ST18: variants seen among roughly 807,000 people sequenced by gnomAD.
ST18 encodes ST18 C2H2C-type zinc finger transcription factor, also known as suppression of tumorigenicity 18 protein.
ST18 carries 50 observed loss-of-function variants against 110.0 expected under a neutral mutation model. The ratio of observed to expected loss-of-function variants is 0.45; its 90% CI spans 0.36 to 0.58. The LOEUF is 0.58. Ranked by LOEUF, ST18 falls within the 20% of genes least tolerant of loss-of-function variation. The pLI is 0.00. For missense variants in ST18, 1,306 were observed against 1,280.1 expected (o/e 1.02, Z -0.31); for synonymous variants, 461 against 452.4 (o/e 1.02, Z -0.24).
chr8:52,345,991 C>A (rs1468700682), intron 2 of ST18, among the ~76,000 whole-genome samples: 1 of 151,938 alleles, frequency 6.6e-6, no homozygotes, highest in Non-Finnish European at 1.5e-5. Flanking sequence ...AAAAAATAAT[C>A]TCTAGAAAGA....
chr8:52,267,228 G>C (rs982178843), intron 2 of ST18, among the ~76,000 whole-genome samples: 2 of 151,966 alleles, frequency 1.3e-5, no homozygotes, highest in African/African-American at 4.8e-5. Context: ...GGAATGAGAG[G>C]CCATACTTTA....
chr8:52,178,709 TA>T (rs1271653113), intron 9 of ST18, among the ~76,000 whole-genome samples: 3 of 74,364 alleles, frequency 4.0e-5, no homozygotes, highest in Non-Finnish European at 9.3e-5. Flanking sequence ...ACAAAACAAA[TA>T]AAGTTGATCA....
At chr8:52,309,941 G>A (rs1003122065) in intron 2 of ST18, among the ~76,000 whole-genome samples, 5 of 152,246 alleles carry the variant, frequency 3.3e-5, no homozygotes, top group South Asian at 2.1e-4. Flanking sequence ...CCTGCCCCAC[G>A]TTCTATGTTA....
At chr8:52,121,778 T>C (rs1230190168) in intron 23 of ST18, among the ~76,000 whole-genome samples, 1 of 152,208 alleles carries the variant, frequency 6.6e-6, no homozygotes, top group Non-Finnish European at 1.5e-5. Context: ...GACATACTTC[T>C]AGTAGAGTGT....
intron 8 of ST18, among the ~76,000 whole-genome samples, chr8:52,181,558 C>A (rs1485565217): frequency 6.6e-6 from 1 of 152,124 alleles, no homozygotes; most frequent in Non-Finnish European, 1.5e-5. Context: ...TTAAAAATCA[C>A]CCTGATAGGT....
At chr8:52,169,543 C>G (rs925090263) in intron 10 of ST18, among the ~76,000 whole-genome samples, 1 of 152,096 alleles carries the variant, frequency 6.6e-6, no homozygotes, top group Admixed American at 6.5e-5. Context: ...TGAGTTTTCT[C>G]CTTAACAGTG....
chr8:52,161,649 T>C, intron 13 of ST18, 81 bp from the exon 14 acceptor site: 4 of 1,470,854 alleles, frequency 2.7e-6, no homozygotes, highest in Non-Finnish European at 3.7e-6. Context: ...TTACAGTAGA[T>C]ACATGTGTCA....
intron 2 of ST18, among the ~76,000 whole-genome samples, chr8:52,279,744 T>G (rs77364483): frequency 0.033 from 5,060 of 152,192 alleles, 150 homozygotes; most frequent in Admixed American, 0.077. Flanking sequence ...TGAGAGAAAC[T>G]AAGAGAAAAA....
chr8:52,173,859 A>G (rs1439821421), intron 9 of ST18, among the ~76,000 whole-genome samples: 1 of 152,198 alleles, frequency 6.6e-6, no homozygotes, highest in East Asian at 1.9e-4. Flanking sequence ...GCACTGAGGG[A>G]GAGAGTGTCT....
intron 3 of ST18, among the ~76,000 whole-genome samples, chr8:52,227,979 A>C (rs887011836): frequency 2.0e-5 from 3 of 152,228 alleles, no homozygotes; most frequent in African/African-American, 7.2e-5. Flanking sequence ...GAAATAAGCA[A>C]AAAATAACAC....
intron 2 of ST18, among the ~76,000 whole-genome samples, chr8:52,233,019 T>A (rs1210831214): frequency 6.6e-6 from 1 of 152,164 alleles, no homozygotes; most frequent in African/African-American, 2.4e-5. Flanking sequence ...ACCTATTGTT[T>A]TTGCTGTTCC....
At chr8:52,388,885 C>T (rs1179913567) in intron 2 of ST18, among the ~76,000 whole-genome samples, 2 of 149,772 alleles carry the variant, frequency 1.3e-5, no homozygotes, top group Admixed American at 6.7e-5. Flanking sequence ...TTAATGGGTG[C>T]AGCACACCAG....
At chr8:52,379,930 C>T (rs1180305511) in intron 2 of ST18, among the ~76,000 whole-genome samples, 1 of 152,304 alleles carries the variant, frequency 6.6e-6, no homozygotes, top group East Asian at 1.9e-4. Context: ...GCTTAAAATG[C>T]CATGTGACAT....
At chr8:52,129,736 C>G (rs2048459059) in intron 22 of ST18, among the ~76,000 whole-genome samples, 1 of 152,106 alleles carries the variant, frequency 6.6e-6, no homozygotes, top group Admixed American at 6.6e-5. Flanking sequence ...TCACTGCTTC[C>G]CATCTCCTAG....
chr8:52,236,448 A>G (rs1189446043), intron 2 of ST18, among the ~76,000 whole-genome samples: 1 of 152,010 alleles, frequency 6.6e-6, no homozygotes, highest in Non-Finnish European at 1.5e-5. Flanking sequence ...TGTCTCTACT[A>G]AAAATACAAA....
intron 2 of ST18, among the ~76,000 whole-genome samples, chr8:52,316,698 T>A (rs977488538): frequency 3.9e-5 from 6 of 152,236 alleles, no homozygotes; most frequent in Non-Finnish European, 8.8e-5. Context: ...AAGCTAATAA[T>A]TTTTTGTATG....
At position 52,149,891 on chromosome 8, in the gene ST18, A is replaced by T. The variant is rs755295519; in HGVS notation, c.1893T>A (p.Thr631=). ...GAGTTGGAATAGAAGTGTTAGAGGA[A>T]GTTAGGGGTGCAGACTTGTCCAGGA... ...NRILDKSAPL[T]SSNTSIPTPS... The change falls in exon 16 of 26, where the codon ACT becomes ACA. Residue 631 remains threonine (T), a synonymous_variant. Transcript: ENST00000689386. The T allele has an allele frequency of 6.2e-7, 1 of 1,614,126 alleles. No individual in the cohort carries two copies. The highest frequency in any genetic ancestry group is 8.5e-7 in the Non-Finnish European group (1 of 1,180,020).
At chr8:52,248,931 T>C (rs547637559) in intron 2 of ST18, among the ~76,000 whole-genome samples, 1 of 152,246 alleles carries the variant, frequency 6.6e-6, no homozygotes, top group Non-Finnish European at 1.5e-5. Context: ...CAATTTTACA[T>C]TGTCAAGAAT....
chr8:52,350,841 C>T (rs1311859980), intron 2 of ST18, among the ~76,000 whole-genome samples: 1 of 152,028 alleles, frequency 6.6e-6, no homozygotes, highest in Admixed American at 6.5e-5. Flanking sequence ...TTGCCTCAGC[C>T]TCTTGAGTAG....
Sources: gnomAD v4.1 joint callset for allele counts (sites outside exome capture counted in the v4.1 genomes callset) on GRCh38, gnomAD v4.1.1 for gene constraint, MANE v1.5 for transcripts, NCBI Gene and HGNC (gene_info 2026-07-23, HGNC 2026-07-21) for gene names.